DGUOK: variants seen among roughly 807,000 people sequenced by gnomAD.
DGUOK encodes deoxyguanosine kinase, mitochondrial.
Under a neutral mutation model 36.6 loss-of-function variants are expected in DGUOK, and 30 were observed. That is an observed-to-expected ratio of 0.82 (90% confidence interval 0.61 to 1.11). DGUOK has a LOEUF of 1.11. DGUOK is among the 50% of genes most tolerant of loss of function. The pLI is 0.00. For synonymous variants in DGUOK, 145 were observed against 126.3 expected (o/e 1.15, Z -0.99); for missense variants, 361 against 336.4 (o/e 1.07, Z -0.57).
chr2:73,949,518 T>A (rs1682560900), intron 3 of DGUOK, among the ~76,000 whole-genome samples: 1 of 152,220 alleles, frequency 6.6e-6, no homozygotes, highest in African/African-American at 2.4e-5. Flanking sequence ...GACATCATCA[T>A]AACAGGCTGA....
At chr2:73,957,292 C>T (rs1683184466) in intron 5 of DGUOK, 52 bp downstream of exon 5, 3 of 1,421,144 alleles carry the variant, frequency 2.1e-6, no homozygotes, top group Non-Finnish European at 3.0e-6. Context: ...CTCCCAACAG[C>T]CAGTTGTTAA....
At chr2:73,944,791 A>G (rs1682162626) in intron 2 of DGUOK, among the ~76,000 whole-genome samples, 1 of 152,182 alleles carries the variant, frequency 6.6e-6, no homozygotes, top group African/African-American at 2.4e-5. Flanking sequence ...ATCTGCCAGC[A>G]CAGCACTCCG....
intron 3 of DGUOK, chr2:73,948,076 A>G (rs1358679608): frequency 6.6e-6 from 1 of 152,184 alleles, no homozygotes; most frequent in African/African-American, 2.4e-5. Context: ...CCTACTTTTT[A>G]TAAAAGCTAA....
chr2:73,927,221 T>C (rs1680668136), intron 1 of DGUOK, among the ~76,000 whole-genome samples, 169 bp downstream of exon 1: 2 of 152,236 alleles, frequency 1.3e-5, no homozygotes, highest in Admixed American at 1.3e-4. Flanking sequence ...CTTTGCCTCC[T>C]TGTTTTTAGG....
At chr2:73,927,757 CAGAA>C (rs1416890738) in intron 1 of DGUOK, among the ~76,000 whole-genome samples, 7 of 152,188 alleles carry the variant, frequency 4.6e-5, no homozygotes, top group African/African-American at 1.7e-4. Flanking sequence ...AAAAAGTAGT[CAGAA>C]AGCAAAATGA....
Position 73,958,703 on chromosome 2 carries a change from C to G in DGUOK, c.808-7C>G. The G allele has an allele frequency of 6.2e-7, 1 of 1,610,260 alleles. No homozygotes were observed. The highest frequency in any genetic ancestry group is 8.5e-7 in the Non-Finnish European group (1 of 1,176,462). On this transcript the variant is annotated splice_polypyrimidine_tract_variant and splice_region_variant and intron_variant, in intron 6 of 6. Transcript: ENST00000264093. ...AAATTAAACTTCTGATTTTCTCCTT[C>G]CCACAGGTAAACACCTTTGTAAAGA...
Position 73,957,134 on chromosome 2 carries a change from A to C in DGUOK, c.601A>C (p.Lys201Gln), listed in dbSNP as rs1558668852. 6.2e-7 allele frequency: 1 copy of C among 1,613,804 alleles called. No homozygotes were observed. Residue 201 changes from lysine to glutamine, a missense_variant, in exon 5 of 7, where the codon AAG becomes CAG. Lys to Gln is a moderately conservative substitution (Grantham distance 53). Coordinates refer to ENST00000264093, the MANE Select transcript of DGUOK (RefSeq NM_080916.3). ...GGGGACTGTCTTTTAGGTTTGTTTG[A>C]AGAGACTGTACCAGAGGGCCAGGGA... ...YLQASPQVCLKRLYQRAREEE... is the reference protein window; with the variant it reads ...YLQASPQVCLQRLYQRAREEE...
chr2:73,940,949 T>G (rs1179317340), intron 2 of DGUOK, among the ~76,000 whole-genome samples: 1 of 152,274 alleles, frequency 6.6e-6, no homozygotes, highest in Non-Finnish European at 1.5e-5. Flanking sequence ...TGATTGCATG[T>G]CCACAATTGT....
intron 5 of DGUOK, among the ~76,000 whole-genome samples, chr2:73,957,628 C>T (rs1028161446): frequency 6.6e-6 from 1 of 152,282 alleles, no homozygotes; most frequent in African/African-American, 2.4e-5. Flanking sequence ...GAGCCGAGAT[C>T]GCACCACTGT....
At chr2:73,931,890 G>A (rs1438030501) in intron 1 of DGUOK, among the ~76,000 whole-genome samples, 2 of 152,178 alleles carry the variant, frequency 1.3e-5, no homozygotes, top group Non-Finnish European at 2.9e-5. Context: ...AGAGATTTTG[G>A]AAGCGGGATT....
intron 1 of DGUOK, among the ~76,000 whole-genome samples, chr2:73,933,186 T>A (rs1681188422): frequency 6.6e-6 from 1 of 152,200 alleles, no homozygotes; most frequent in Non-Finnish European, 1.5e-5. Flanking sequence ...CTTACTTATT[T>A]TAAGTATAAA....
In DGUOK at chr2:73,958,174, C is replaced by G. The variant is rs756540646; in HGVS notation, c.736C>G (p.Pro246Ala). Residue 246 changes from proline to alanine, a missense_variant, in exon 6 of 7, where the codon CCA (proline) becomes GCA (alanine). Pro to Ala is a conservative substitution (Grantham distance 27). Transcript: ENST00000264093. ...KLHFEALMNI[P>A]VLVLDVNDDF... ...CCACTTTGAGGCTCTGATGAACATT[C>G]CAGTGCTGGTGTTGGATGTCAATGA... 3 of 1,613,776 alleles carry G rather than the reference C, an allele frequency of 1.9e-6. No individual in the cohort carries two copies. Among genetic ancestry groups the G allele is most frequent in the South Asian group, 1.1e-5 (1 of 91,048 alleles).
chr2:73,934,998 C>A (rs950105552), intron 1 of DGUOK, among the ~76,000 whole-genome samples: 1 of 152,098 alleles, frequency 6.6e-6, no homozygotes, highest in African/African-American at 2.4e-5. Flanking sequence ...ATCGCTTGAA[C>A]CCAGGAAACA....
chr2:73,950,971 A>T (rs957621584), intron 4 of DGUOK, among the ~76,000 whole-genome samples: 1 of 152,204 alleles, frequency 6.6e-6, no homozygotes, highest in Non-Finnish European at 1.5e-5. Context: ...ATGTAGGAAC[A>T]ACAGAGCAAA....
chr2:73,956,975 G>GGGGTCGACGA, intron 4 of DGUOK, 150 bp from the exon 5 acceptor site: 1 of 568,370 alleles, frequency 1.8e-6, no homozygotes, highest in Non-Finnish European at 3.3e-6. Flanking sequence ...TAGATCCTCT[G>GGGGTCGACGA]ATTGCATAAG....
intron 3 of DGUOK, among the ~76,000 whole-genome samples, chr2:73,947,426 G>T (rs992723334): frequency 1.4e-4 from 22 of 152,092 alleles, no homozygotes; most frequent in Non-Finnish European, 3.2e-4. Context: ...ACTGGCTTCT[G>T]TCTCAGATTT....
chr2:73,947,211 C>A, intron 3 of DGUOK: 1 of 411,588 alleles, frequency 2.4e-6, no homozygotes, highest in South Asian at 2.1e-5. Flanking sequence ...ATGTAACCAT[C>A]ACATGCTAAA....
intron 1 of DGUOK, among the ~76,000 whole-genome samples, chr2:73,932,352 C>T (rs573296787): frequency 1.3e-5 from 2 of 152,316 alleles, no homozygotes; most frequent in South Asian, 4.1e-4. Context: ...ACAACTGCTG[C>T]AGCACTTGAG....
intron 5 of DGUOK, 75 bp downstream of exon 5, chr2:73,957,315 C>A (rs1683186936): frequency 1.9e-6 from 2 of 1,059,390 alleles, no homozygotes; most frequent in Non-Finnish European, 2.9e-6. Context: ...ACAAGTTCAG[C>A]ATGCAGCCCC....
Sources: gnomAD v4.1 joint callset for allele counts (sites outside exome capture counted in the v4.1 genomes callset) on GRCh38, gnomAD v4.1.1 for gene constraint, MANE v1.5 for transcripts, NCBI Gene and HGNC (gene_info 2026-07-23, HGNC 2026-07-21) for gene names.